PRKDC: variants seen among roughly 807,000 people sequenced by gnomAD.
PRKDC encodes the protein DNA-dependent protein kinase catalytic subunit.
A neutral mutation model predicts 486.9 loss-of-function variants in PRKDC; 82 were observed. The ratio of observed to expected loss-of-function variants is 0.17; its 90% CI spans 0.14 to 0.20. The LOEUF is 0.20. Ranked by LOEUF, PRKDC falls within the 10% of genes least tolerant of loss-of-function variation. The pLI is 1.00. For synonymous variants in PRKDC, 1,895 were observed against 1,837.0 expected (o/e 1.03, Z -0.81); for missense variants, 4,504 against 5,038.2 (o/e 0.89, Z 3.21).
intron 40 of PRKDC, among the ~76,000 whole-genome samples, chr8:47,867,511 C>G (rs2088845066): frequency 6.6e-6 from 1 of 152,046 alleles, no homozygotes; most frequent in Non-Finnish European, 1.5e-5. Context: ...AAAATTATAG[C>G]TAAAATGAAA....
At chr8:47,917,991 T>C (rs2154502996) in intron 22 of PRKDC, among the ~76,000 whole-genome samples, 1 of 152,254 alleles carries the variant, frequency 6.6e-6, no homozygotes, top group African/African-American at 2.4e-5. Context: ...GCCACAGGCA[T>C]GCGCCACCAC....
chr8:47,789,584 C>T (rs895237905), intron 74 of PRKDC, among the ~76,000 whole-genome samples: 1 of 151,830 alleles, frequency 6.6e-6, no homozygotes, highest in Non-Finnish European at 1.5e-5. Flanking sequence ...ATACCAAAAC[C>T]AGGTAAAGAC....
Position 47,923,599 on chromosome 8 carries a change from C to T in PRKDC, c.2419+3595G>A, listed in dbSNP as rs558178952. On this transcript the variant is annotated intron_variant, in intron 21 of 85. Coordinates refer to ENST00000314191, the MANE Select transcript of PRKDC (RefSeq NM_006904.7). ...CTACCAGGTGTCTATGCTGTAAAATCACCATTTTCACTCTCAATCATTAGT... is the reference window on the plus strand; with the variant it reads ...CTACCAGGTGTCTATGCTGTAAAATTACCATTTTCACTCTCAATCATTAGT... Among the ~76,000 whole-genome samples the T allele has an allele frequency of 9.2e-5, 14 of 152,330 alleles. No homozygotes were observed. In the South Asian group the frequency reaches 2.9e-3, roughly 32 times the overall value.
chr8:47,777,786 T>C lies in PRKDC; in HGVS notation c.11942A>G (p.Tyr3981Cys). Residue 3981 changes from tyrosine to cysteine, a missense_variant, in exon 84 of 86, where the codon TAC becomes TGC. By Grantham distance (194) the Tyr-to-Cys change is radical. Around this residue, in one of 6 missense-constraint regions of PRKDC, gnomAD observed 706 missense variants for 945.0 expected, o/e 0.75. Coordinates refer to ENST00000314191, the MANE Select transcript of PRKDC (RefSeq NM_006904.7). ...MLPMKETGLM[Y>C]SIMVHALRAF... is the part of the protein sequence containing the mutation. The stretch of plus-strand genomic sequence containing the variant: ...CCGGAGTGCGTGTACCATGATGCTG[T>C]ACATAAGGCCCGTTTCTTTCATTGG... 6.2e-7 allele frequency: 1 copy of C among 1,613,986 alleles called. No individual in the cohort carries two copies. The highest frequency in any genetic ancestry group is 8.5e-7 in the Non-Finnish European group (1 of 1,179,900).
intron 80 of PRKDC, among the ~76,000 whole-genome samples, chr8:47,781,859 T>C (rs1262400678): frequency 3.3e-5 from 5 of 152,234 alleles, no homozygotes; most frequent in South Asian, 2.1e-4. Context: ...ACGTTAAAAA[T>C]TGAGAACAGT....
chr8:47,836,269 G>A, intron 58 of PRKDC, 69 bp downstream of exon 58: 4 of 1,359,404 alleles, frequency 2.9e-6, no homozygotes, highest in Non-Finnish European at 2.9e-6. Flanking sequence ...GCCCAACACT[G>A]TTGTGACAGA....
intron 67 of PRKDC, among the ~76,000 whole-genome samples, 183 bp from the exon 68 acceptor site, chr8:47,817,744 T>C (rs563266463): frequency 7.2e-5 from 11 of 152,226 alleles, no homozygotes; most frequent in Non-Finnish European, 1.6e-4. Flanking sequence ...TTAAACTCAA[T>C]TGCTTAAGGA....
chr8:47,830,842 T>G lies in PRKDC; in HGVS notation c.8266-106A>C, dbSNP rs372645469. ...GATCCCCTGAACCATGAGGGCGAAG[T>G]GGTGGGAACTGATGCTCGCAGAGGC... On this transcript the variant is annotated intron_variant, in intron 60 of 85. Coordinates refer to ENST00000314191, the MANE Select transcript of PRKDC (RefSeq NM_006904.7). The G allele has an allele frequency of 2.1e-5, 29 of 1,388,350 alleles. No homozygotes were observed. The South Asian group carries it at 3.5e-4, about 17-fold the overall frequency. 86.0% of individuals were successfully genotyped at this position (1,388,350 alleles called of 1,614,324 possible).
At chr8:47,851,533 C>T (rs2088402782) in intron 52 of PRKDC, among the ~76,000 whole-genome samples, 1 of 152,208 alleles carries the variant, frequency 6.6e-6, no homozygotes, top group African/African-American at 2.4e-5. Flanking sequence ...GGTGCCTGCT[C>T]AGGACCACCT....
At position 47,789,851 on chromosome 8, in the gene PRKDC, T is replaced by C. The variant is rs1056905402; in HGVS notation, c.10671-613A>G. On this transcript the variant is annotated intron_variant, in intron 74 of 85. Coordinates refer to ENST00000314191, the MANE Select transcript of PRKDC (RefSeq NM_006904.7). The stretch of plus-strand genomic sequence containing the variant: ...ATTTTAACGGATGTTGAAAAAGCAT[T>C]TGATAAAATTCAACATCCCTTCATG... Among the ~76,000 whole-genome samples, 56 of 152,164 alleles carry C rather than the reference T, an allele frequency of 3.7e-4. 3 individuals are homozygous for C. Among genetic ancestry groups the C allele is most frequent in the Non-Finnish European group, 1.5e-5 (1 of 68,026 alleles).
At chr8:47,911,772 A>T (rs368317691) in intron 25 of PRKDC, among the ~76,000 whole-genome samples, 36 of 151,378 alleles carry the variant, frequency 2.4e-4, no homozygotes, top group Non-Finnish European at 4.1e-4. Flanking sequence ...TTATTTATTT[A>T]TTTATTTTTT....
chr8:47,931,773 A>G (rs2090259027), intron 16 of PRKDC, among the ~76,000 whole-genome samples: 1 of 152,226 alleles, frequency 6.6e-6, no homozygotes, highest in Admixed American at 6.5e-5. Context: ...TGCAGTCGAA[A>G]GCAAGCAAGA....
chr8:47,910,845 G>T (rs1009960430), intron 25 of PRKDC, among the ~76,000 whole-genome samples: 39 of 149,210 alleles, frequency 2.6e-4, no homozygotes, highest in Admixed American at 2.4e-3. Flanking sequence ...TTTTTTTTTT[G>T]ATGCTGTTAT....
intron 15 of PRKDC, among the ~76,000 whole-genome samples, chr8:47,933,436 T>C (rs1294475010): frequency 6.6e-6 from 1 of 152,204 alleles, no homozygotes; most frequent in Non-Finnish European, 1.5e-5. Context: ...AGTGAGAAGA[T>C]TTAGGCCAAT....
intron 22 of PRKDC, among the ~76,000 whole-genome samples, chr8:47,917,422 A>G (rs1239649445): frequency 6.6e-6 from 1 of 152,192 alleles, no homozygotes; most frequent in African/African-American, 2.4e-5. Flanking sequence ...GGTGAGAAGA[A>G]CTGACCCTAG....
chr8:47,786,723 C>T (rs1301332134), intron 76 of PRKDC, among the ~76,000 whole-genome samples: 23 of 88,226 alleles, frequency 2.6e-4, no homozygotes, highest in South Asian at 9.8e-4. Context: ...ATTATTTAAT[C>T]TTTTTTTTTT....
chr8:47,859,730 A>G lies in PRKDC; in HGVS notation c.6088T>C (p.Tyr2030His), dbSNP rs751859539. The G allele has an allele frequency of 1.2e-6, 2 of 1,613,160 alleles. No homozygotes were observed. The highest frequency in any genetic ancestry group is 4.5e-5 in the East Asian group (2 of 44,884). The change falls in exon 46 of 86, where the codon TAT becomes CAT. Residue 2030 changes from tyrosine (Y) to histidine (H), a missense_variant. Coordinates refer to ENST00000314191, the MANE Select transcript of PRKDC (RefSeq NM_006904.7). ...DGPSYMSSLS[Y>H]LADSTLSEEM... ...TCACTCAGGGTACTGTCTGCCAAATATGACAGGGAAGACATATAGGAAGGA... is the reference window on the plus strand; with the variant it reads ...TCACTCAGGGTACTGTCTGCCAAATGTGACAGGGAAGACATATAGGAAGGA...
chr8:47,778,706 G>T, intron 82 of PRKDC, 22 bp downstream of exon 82: 3 of 1,613,554 alleles, frequency 1.9e-6, no homozygotes, highest in Non-Finnish European at 2.5e-6. Flanking sequence ...CCCACTAAGG[G>T]TGAGGGCAGA....
intron 68 of PRKDC, among the ~76,000 whole-genome samples, chr8:47,812,126 C>A (rs1187630413): frequency 2.6e-5 from 4 of 152,102 alleles, no homozygotes; most frequent in Admixed American, 1.3e-4. Flanking sequence ...ATAACAGAAT[C>A]AAAATACAGT....
Sources: allele counts gnomAD v4.1 joint callset (sites outside exome capture counted in the v4.1 genomes callset), GRCh38; gene constraint gnomAD v4.1.1; regional missense constraint gnomAD v4.1.1; transcripts MANE v1.5; gene names NCBI Gene and HGNC (gene_info 2026-07-23, HGNC 2026-07-21).